The following RHOQ variants were observed in gnomAD, a reference collection of about 807,000 sequenced individuals.
RHOQ encodes the protein ras homolog family member Q.
In RHOQ, 7 loss-of-function variants were observed where a neutral mutation model predicts 25.8. That is an observed-to-expected ratio of 0.27 (90% CI 0.15 to 0.51). RHOQ has a LOEUF of 0.51. Ranked by LOEUF, RHOQ falls within the 20% of genes least tolerant of loss-of-function variation. RHOQ has a pLI of 0.97. For missense variants in RHOQ, 165 were observed against 260.6 expected (o/e 0.63, Z 2.53); for synonymous variants, 97 against 98.6 (o/e 0.98, Z 0.10).
chr2:46,557,859 A>G (rs1212339933), intron 2 of RHOQ, among the ~76,000 whole-genome samples: 1 of 152,178 alleles, frequency 6.6e-6, no homozygotes, highest in Non-Finnish European at 1.5e-5. Flanking sequence ...CCTTTCACAC[A>G]TATCTTCCAC....
chr2:46,581,486 T>G lies in RHOQ; in HGVS notation c.*403T>G. ...ATCTCCCTTTGCTCCAGTTAATTGTTCTTGTATGTAAGTTGCTTTCTATTC... is the reference window on the plus strand; with the variant it reads ...ATCTCCCTTTGCTCCAGTTAATTGTGCTTGTATGTAAGTTGCTTTCTATTC... On this transcript the variant is annotated 3_prime_UTR_variant, in exon 5 of 5. Transcript: ENST00000238738. The G allele has an allele frequency of 6.2e-7, 1 of 1,611,090 alleles. No individual in the cohort carries two copies. Among genetic ancestry groups the G allele is most frequent in the Non-Finnish European group, 8.5e-7 (1 of 1,179,332 alleles).
intron 2 of RHOQ, among the ~76,000 whole-genome samples, chr2:46,562,102 G>A (rs1341962815): frequency 1.3e-5 from 2 of 152,056 alleles, no homozygotes; most frequent in Non-Finnish European, 1.5e-5. Flanking sequence ...CTCACTTATC[G>A]GCAGCACAGG....
chr2:46,584,318 TGA>T lies in RHOQ; in HGVS notation c.*3239_*3240del, dbSNP rs1669498571. Reference sequence around the variant, plus strand: ...ATAATACTCTTTCCTCTATTTATGCTGAGAGTCTACTAATCATTGGCAAAGTA... The same window carrying T: ...ATAATACTCTTTCCTCTATTTATGCTGAGTCTACTAATCATTGGCAAAGTA... On this transcript the variant is annotated 3_prime_UTR_variant, in exon 5 of 5. Transcript: ENST00000238738. Among the ~76,000 whole-genome samples, 1 of 152,198 alleles carries T rather than the reference TGA, an allele frequency of 6.6e-6. No homozygotes were observed. The highest frequency in any genetic ancestry group is 2.1e-4 in the South Asian group (1 of 4,836).
At chr2:46,571,962 G>T (rs1283661700) in intron 2 of RHOQ, among the ~76,000 whole-genome samples, 1 of 152,124 alleles carries the variant, frequency 6.6e-6, no homozygotes, top group Non-Finnish European at 1.5e-5. Flanking sequence ...CATGGGCACT[G>T]CTGGCTGAGC....
chr2:46,546,506 A>ATG (rs1668069645), intron 2 of RHOQ, among the ~76,000 whole-genome samples: 1 of 21,450 alleles, frequency 4.7e-5, no homozygotes, highest in Non-Finnish European at 8.6e-5. Flanking sequence ...ATATATATAT[A>ATG]TATATGTATA....
chr2:46,563,404 G>A (rs1668630346), intron 2 of RHOQ, among the ~76,000 whole-genome samples: 1 of 152,176 alleles, frequency 6.6e-6, no homozygotes. Context: ...GCACTCTTCT[G>A]GGCTGTAAAG....
intron 1 of RHOQ, chr2:46,543,490 CG>C: frequency 3.3e-6 from 2 of 600,006 alleles, no homozygotes; most frequent in Non-Finnish European, 3.0e-6. Context: ...CCCAAGGCCC[CG>C]GGGGAAATAT....
Position 46,558,957 on chromosome 2 carries a change from TG to T in RHOQ, c.201+15146del, listed in dbSNP as rs557719598. Among the ~76,000 whole-genome samples, 345 of 152,256 alleles carry T rather than the reference TG, an allele frequency of 2.3e-3. 2 individuals carry two copies. Among genetic ancestry groups the T allele is most frequent in the African/African-American group, 8.0e-3 (331 of 41,552 alleles). On this transcript the variant is annotated intron_variant, in intron 2 of 4. Coordinates refer to ENST00000238738, the MANE Select transcript of RHOQ (RefSeq NM_012249.4). Reference sequence around the variant, plus strand: ...AGCATCTTCTAAGCGGTTTAGGTTTTGTTTTGTTTTGTTTGAGACAGGCTCT... The same window carrying T: ...AGCATCTTCTAAGCGGTTTAGGTTTTTTTTGTTTTGTTTGAGACAGGCTCT...
intron 2 of RHOQ, among the ~76,000 whole-genome samples, chr2:46,549,236 G>A (rs1668164865): frequency 6.6e-6 from 1 of 152,162 alleles, no homozygotes; most frequent in African/African-American, 2.4e-5. Flanking sequence ...CATCTCTGAG[G>A]GGCCGGGGGA....
chr2:46,549,103 T>C (rs1385678321), intron 2 of RHOQ, among the ~76,000 whole-genome samples: 1 of 152,170 alleles, frequency 6.6e-6, no homozygotes, highest in Non-Finnish European at 1.5e-5. Context: ...TTTGATCTGT[T>C]TGGCTTCTCC....
At chr2:46,554,992 G>A (rs1177668625) in intron 2 of RHOQ, among the ~76,000 whole-genome samples, 1 of 152,134 alleles carries the variant, frequency 6.6e-6, no homozygotes, top group African/African-American at 2.4e-5. Flanking sequence ...CTTCCCCAGT[G>A]AGCTGATTAC....
intron 2 of RHOQ, chr2:46,560,694 A>C (rs1280598754): frequency 2.2e-6 from 1 of 449,652 alleles, no homozygotes; most frequent in Non-Finnish European, 4.5e-6. Context: ...ACAGAGGTAG[A>C]TAGTCACTAA....
Position 46,543,098 on chromosome 2 carries a change from G to C in RHOQ, c.52G>C (p.Gly18Arg). Residue 18 changes from glycine to arginine, a missense_variant, in exon 1 of 5, where the codon GGG becomes CGG. By Grantham distance (125) the Gly-to-Arg change is moderately radical. Coordinates refer to ENST00000238738, the MANE Select transcript of RHOQ (RefSeq NM_012249.4). ...GCTCAAGTGCGTGGTGGTCGGCGAC[G>C]GGGCGGTGGGCAAGACGTGCCTACT... Reference protein sequence around the residue: ...LMLKCVVVGDGAVGKTCLLMS... With the variant: ...LMLKCVVVGDRAVGKTCLLMS... The C allele has an allele frequency of 6.2e-7, 1 of 1,609,344 alleles. No homozygotes were observed. Among genetic ancestry groups the C allele is most frequent in the Non-Finnish European group, 8.5e-7 (1 of 1,178,108 alleles).
Position 46,546,474 on chromosome 2 carries a change from G to GTATATA in RHOQ, c.201+2663_201+2664insATATAT, listed in dbSNP as rs1467866624. 2.2e-3 allele frequency among the ~76,000 whole-genome samples: 38 copies of GTATATA among 16,952 alleles called. 1 individual carries two copies. Among genetic ancestry groups the GTATATA allele is most frequent in the Admixed American group, 3.4e-3 (4 of 1,174 alleles). The allele number at this position is 16,952 out of a possible 152,430, so 11.1% of individuals were successfully genotyped here. ...TACATATATATATATATATATATAT[G>GTATATA]TGTATATATATATATATATATATAT... On this transcript the variant is annotated intron_variant, in intron 2 of 4. Transcript: ENST00000238738.
chr2:46,575,274 T>C (rs1187525345), intron 2 of RHOQ, among the ~76,000 whole-genome samples: 1 of 152,178 alleles, frequency 6.6e-6, no homozygotes, highest in Non-Finnish European at 1.5e-5. Flanking sequence ...GTGCAGTTAC[T>C]GGTATATTCA....
intron 2 of RHOQ, among the ~76,000 whole-genome samples, chr2:46,545,017 G>T (rs192557070): frequency 1.3e-5 from 2 of 152,308 alleles, no homozygotes; most frequent in East Asian, 1.9e-4. Flanking sequence ...TATTGAGGGG[G>T]AGTGCCTTGA....
At chr2:46,573,858 G>T (rs532452202) in intron 2 of RHOQ, among the ~76,000 whole-genome samples, 21 of 152,280 alleles carry the variant, frequency 1.4e-4, no homozygotes, top group Middle Eastern at 3.4e-3. Context: ...ATAGTCTTAA[G>T]GCTAAGTGAC....
intron 2 of RHOQ, among the ~76,000 whole-genome samples, chr2:46,545,637 G>A (rs760925050): frequency 2.6e-5 from 4 of 152,204 alleles, no homozygotes; most frequent in Non-Finnish European, 5.9e-5. Flanking sequence ...CTACTGAGGG[G>A]TGTTGCTAGG....
At chr2:46,561,806 T>A (rs1347806863) in intron 2 of RHOQ, among the ~76,000 whole-genome samples, 1 of 152,066 alleles carries the variant, frequency 6.6e-6, no homozygotes, top group African/African-American at 2.4e-5. Context: ...TGTCTACCCC[T>A]CCCTCTGCAC....
Sources: gnomAD v4.1 joint callset for allele counts (sites outside exome capture counted in the v4.1 genomes callset) on GRCh38, gnomAD v4.1.1 for gene constraint, MANE v1.5 for transcripts, NCBI Gene and HGNC (gene_info 2026-07-23, HGNC 2026-07-21) for gene names.